Variants in AP2A2 observed in about 807,000 individuals in gnomAD.
AP2A2 encodes adaptor related protein complex 2 subunit alpha 2.
A neutral mutation model predicts 104.2 loss-of-function variants in AP2A2; 32 were observed. That is an observed-to-expected ratio of 0.31 (90% CI 0.23 to 0.41). The LOEUF is 0.41. Ranked by LOEUF, AP2A2 falls within the 10% of genes least tolerant of loss-of-function variation. AP2A2 has a pLI of 1.00. For missense variants in AP2A2, 912 were observed against 1,261.0 expected, an observed-to-expected ratio of 0.72 and a Z score of 4.19; for synonymous variants, 539 against 533.3, an observed-to-expected ratio of 1.01 and a Z score of -0.15.
chr11:996,065 A>T (rs941954939), intron 14 of AP2A2: 2 of 151,958 alleles, frequency 1.3e-5, no homozygotes, highest in Admixed American at 6.6e-5. Context: ...CACTCCTCTA[A>T]TCCATCTCTC....
chr11:937,321 A>G (rs568611761), intron 1 of AP2A2, among the ~76,000 whole-genome samples: 2 of 152,046 alleles, frequency 1.3e-5, no homozygotes, highest in East Asian at 1.9e-4. Context: ...TGCCCAGCCT[A>G]TTGTTATTTA....
At position 938,429 on chromosome 11, in the gene AP2A2, T is replaced by C. The variant is rs547385965; in HGVS notation, c.67+12341T>C. On this transcript the variant is annotated intron_variant, in intron 1 of 21. Transcript: ENST00000448903. ...TCTAGAACATTTATGAGGTAATGCT[T>C]TTTTCTCCTTGCAATGCATCGTCAA... Among the ~76,000 whole-genome samples, 3 of 152,312 alleles carry C rather than the reference T, an allele frequency of 2.0e-5. No individual in the cohort carries two copies. The South Asian group carries it at 6.2e-4, about 32-fold the overall frequency.
At chr11:976,864 T>C (rs1270579704) in intron 4 of AP2A2, among the ~76,000 whole-genome samples, 4 of 152,218 alleles carry the variant, frequency 2.6e-5, no homozygotes, top group Admixed American at 6.5e-5. Flanking sequence ...TGTGGTCGGC[T>C]GGTGGTTTTG....
chr11:970,416 A>G lies in AP2A2; in HGVS notation c.279+105A>G, dbSNP rs1329071227. 33 of 1,411,618 alleles carry G rather than the reference A, an allele frequency of 2.3e-5. 2 individuals are homozygous for G. The highest frequency in any genetic ancestry group is 1.5e-4 in the South Asian group (11 of 72,108). 87.4% of individuals were successfully genotyped at this position (1,411,618 alleles called of 1,614,324 possible). A position where few individuals can be genotyped will look rare whatever the true frequency, so the allele number is the denominator to read the frequency against. ...CTGCTTCCTTCTCTGCCCACAGCTG[A>G]CGTGAGCCACGTGGGTCTGCTGCAG... On this transcript the variant is annotated intron_variant, in intron 3 of 21. Transcript: ENST00000448903.
At chr11:981,118 T>C (rs1855221988) in intron 5 of AP2A2, 80 bp from the exon 6 acceptor site, 3 of 1,296,056 alleles carry the variant, frequency 2.3e-6, no homozygotes, top group Non-Finnish European at 3.2e-6. Context: ...CTGGTTGGTT[T>C]AAGGTTTTCT....
At chr11:961,939 G>T (rs1378226496) in intron 2 of AP2A2, among the ~76,000 whole-genome samples, 1 of 150,440 alleles carries the variant, frequency 6.6e-6, no homozygotes, top group African/African-American at 2.5e-5. Flanking sequence ...CCAGTGAAAA[G>T]TAAAGGGCAG....
intron 2 of AP2A2, among the ~76,000 whole-genome samples, chr11:966,159 G>A (rs1854609760): frequency 6.6e-6 from 1 of 152,232 alleles, no homozygotes; most frequent in African/African-American, 2.4e-5. Flanking sequence ...AATTTCTTAT[G>A]ACTGATCATC....
intron 17 of AP2A2, chr11:1,007,682 A>G (rs913518400): frequency 7.6e-6 from 3 of 394,072 alleles, no homozygotes; most frequent in Non-Finnish European, 1.4e-5. Flanking sequence ...TTCCTGCCCT[A>G]CTAAGCACCA....
chr11:1,002,183 A>G (rs528018885), intron 15 of AP2A2, among the ~76,000 whole-genome samples: 15 of 152,338 alleles, frequency 9.8e-5, no homozygotes, highest in African/African-American at 3.4e-4. Flanking sequence ...TGTTCTTGAC[A>G]GATTTTACTT....
rs556254810 is a variant in AP2A2 at position 963,848 on chromosome 11, A to G, written c.136+4343A>G. 5.9e-5 allele frequency among the ~76,000 whole-genome samples: 9 copies of G among 152,316 alleles called. No individual in the cohort carries two copies. In the South Asian group the frequency reaches 8.3e-4, roughly 14 times the overall value. On this transcript the variant is annotated intron_variant, in intron 2 of 21. Transcript: ENST00000448903. ...GCCATGTTACCTAGGCTGGTTTCAA[A>G]CTTATGGGCTCAAGAGATCGGTCTG...
At position 1,010,582 on chromosome 11, in the gene AP2A2, C is replaced by T. The variant is rs758999764; in HGVS notation, c.2777C>T (p.Ala926Val). 1 of 1,599,228 alleles carries T rather than the reference C, an allele frequency of 6.3e-7. No homozygotes were observed. The highest frequency in any genetic ancestry group is 8.5e-7 in the Non-Finnish European group (1 of 1,173,172). ...CTCACGCTGCGCACAAGTAAGGAAG[C>T]CGTTTCTCAGAGATTATGTGAATTG... The part of the protein sequence containing the change: ...YRLTLRTSKE[A>V]VSQRLCELLS... The change falls in exon 22 of 22, where the codon GCC becomes GTC. Residue 926 changes from alanine to valine, a missense_variant. By Grantham distance (64) the Ala-to-Val change is moderately conservative. This residue lies in a region of AP2A2 where 239 missense variants were observed against 329.8 expected (regional missense o/e 0.72). Coordinates refer to ENST00000448903, the MANE Select transcript of AP2A2 (RefSeq NM_012305.4).
At chr11:951,872 A>G (rs893326769) in intron 1 of AP2A2, among the ~76,000 whole-genome samples, 3 of 152,112 alleles carry the variant, frequency 2.0e-5, no homozygotes, top group Non-Finnish European at 4.4e-5. Flanking sequence ...CGGCGGAATC[A>G]CTTTATTTCT....
chr11:984,351 C>A (rs1243764689), intron 6 of AP2A2, among the ~76,000 whole-genome samples: 2 of 152,122 alleles, frequency 1.3e-5, no homozygotes, highest in Non-Finnish European at 2.9e-5. Context: ...TCTCTGATTT[C>A]ATTCACGTGC....
At chr11:988,499 C>T (rs1325360280) in intron 9 of AP2A2, 53 bp from the exon 10 acceptor site, 8 of 1,588,730 alleles carry the variant, frequency 5.0e-6, no homozygotes, top group Non-Finnish European at 8.6e-7. Context: ...CCAGCCTGTC[C>T]CCAAGCTTGT....
intron 2 of AP2A2, among the ~76,000 whole-genome samples, chr11:967,503 A>G (rs1026812497): frequency 7.9e-5 from 12 of 151,800 alleles, no homozygotes; most frequent in African/African-American, 2.4e-4. Flanking sequence ...CTGGGACTAC[A>G]GGCGCCCGCC....
At chr11:970,664 C>T (rs1031822002) in intron 3 of AP2A2, among the ~76,000 whole-genome samples, 1 of 152,270 alleles carries the variant, frequency 6.6e-6, no homozygotes, top group African/African-American at 2.4e-5. Context: ...GAGTGCCGCA[C>T]GCGGCCCAGC....
chr11:936,867 C>T (rs756692209), intron 1 of AP2A2, among the ~76,000 whole-genome samples: 13 of 152,084 alleles, frequency 8.5e-5, no homozygotes, highest in Admixed American at 2.0e-4. Flanking sequence ...TTACCTCACT[C>T]GAGGCAGTGT....
chr11:963,900 A>G (rs1201352814), intron 2 of AP2A2, among the ~76,000 whole-genome samples: 1 of 152,252 alleles, frequency 6.6e-6, no homozygotes, highest in East Asian at 1.9e-4. Context: ...TGCTGGGATT[A>G]TAGGCATGAG....
intron 1 of AP2A2, among the ~76,000 whole-genome samples, chr11:930,884 C>T (rs1259018605): frequency 1.3e-5 from 2 of 152,138 alleles, no homozygotes; most frequent in Non-Finnish European, 2.9e-5. Context: ...AGGAAACAGA[C>T]ACTGGTACAC....
Sources: gnomAD v4.1 joint callset for allele counts (sites outside exome capture counted in the v4.1 genomes callset) on GRCh38, gnomAD v4.1.1 for gene constraint, gnomAD v4.1.1 regional missense constraint, MANE v1.5 for transcripts, NCBI Gene and HGNC (gene_info 2026-07-23, HGNC 2026-07-21) for gene names.